ANGPT2: variants seen among roughly 807,000 people sequenced by gnomAD.
ANGPT2 encodes angiopoietin-2.
A neutral mutation model predicts 62.9 loss-of-function variants in ANGPT2; 28 were observed. The observed-to-expected ratio is 0.44, with a 90% CI of 0.33 to 0.61. The LOEUF is 0.61. ANGPT2 is among the 20% of genes least tolerant of loss of function. ANGPT2 has a pLI of 0.03. For synonymous variants in ANGPT2, 284 were observed against 207.8 expected (o/e 1.37, Z -3.15); for missense variants, 727 against 594.9 (o/e 1.22, Z -2.31).
In ANGPT2 at chr8:6,563,030, C is replaced by T; in HGVS notation, c.-96G>A. On this transcript the variant is annotated 5_prime_UTR_variant, in exon 1 of 9. Transcript: ENST00000629816. ...TGCCGTCTAAAACGCAGGGCTGCTA[C>T]GCTGCCATGGCTGGGTCCGTCAATG... The T allele has an allele frequency of 5.2e-6, 7 of 1,357,162 alleles. No individual in the cohort carries two copies. In the South Asian group the frequency reaches 8.7e-5, roughly 17 times the overall value. 84.1% of individuals were successfully genotyped at this position (1,357,162 alleles called of 1,614,324 possible).
At chr8:6,534,209 A>C (rs529036997) in intron 1 of ANGPT2, among the ~76,000 whole-genome samples, 22 of 152,354 alleles carry the variant, frequency 1.4e-4, no homozygotes, top group African/African-American at 4.8e-4. Context: ...ATATTTTAAA[A>C]AAAAAATAAC....
At chr8:6,556,805 T>C (rs1824694804) in intron 1 of ANGPT2, among the ~76,000 whole-genome samples, 1 of 151,936 alleles carries the variant, frequency 6.6e-6, no homozygotes, top group South Asian at 2.1e-4. Context: ...ACCAGGCTGG[T>C]CTTGAACTCC....
intron 7 of ANGPT2, among the ~76,000 whole-genome samples, chr8:6,510,347 A>T (rs1586236244): frequency 6.6e-6 from 1 of 152,160 alleles, no homozygotes; most frequent in African/African-American, 2.4e-5. Context: ...CTACAAAGCA[A>T]ATCCTGCAAT....
intron 8 of ANGPT2, among the ~76,000 whole-genome samples, chr8:6,504,936 T>C (rs931549421): frequency 1.3e-5 from 2 of 151,998 alleles, no homozygotes; most frequent in Non-Finnish European, 2.9e-5. Flanking sequence ...TGATTTTACA[T>C]ATGTTAAACT....
At position 6,562,692 on chromosome 8, in the gene ANGPT2, T is replaced by C. The variant is rs1001538174; in HGVS notation, c.243A>G (p.Gln81=). The stretch of plus-strand genomic sequence containing the variant: ...TGTTTTCCATGATGTTCTCCAGCAC[T>C]TGCAGCCTCTGCACCGAGTCATCGT... ...LEYDDSVQRL[Q]VLENIMENNT... Residue 81 remains glutamine (Q), a synonymous_variant, in exon 1 of 9, where the codon CAA becomes CAG. Transcript: ENST00000629816. The C allele has an allele frequency of 1.2e-6, 2 of 1,608,952 alleles. No homozygotes were observed. The highest frequency in any genetic ancestry group is 2.7e-5 in the African/African-American group (2 of 74,696).
chr8:6,559,463 T>C (rs1250654399), intron 1 of ANGPT2, among the ~76,000 whole-genome samples: 1 of 152,214 alleles, frequency 6.6e-6, no homozygotes, highest in Non-Finnish European at 1.5e-5. Context: ...AGGATTGCAA[T>C]TCACATTTAC....
intron 3 of ANGPT2, among the ~76,000 whole-genome samples, chr8:6,521,725 G>C (rs1031147901): frequency 6.6e-6 from 1 of 152,232 alleles, no homozygotes; most frequent in African/African-American, 2.4e-5. Context: ...GCAGCGCTCA[G>C]AAGAAAGGTG....
chr8:6,512,852 A>G lies in ANGPT2; in HGVS notation c.1196+826T>C, dbSNP rs182057766. 1.6e-3 allele frequency among the ~76,000 whole-genome samples: 237 copies of G among 152,318 alleles called. 1 individual carries two copies. The highest frequency in any genetic ancestry group is 2.8e-3 in the Non-Finnish European group (190 of 68,022). ...CCAGGGAATGCTGTGAATCTGATGT[A>G]TTTCCTGTAGAGGAGAGCAGAGTTG... On this transcript the variant is annotated intron_variant, in intron 7 of 8. Coordinates refer to ENST00000629816, the MANE Select transcript of ANGPT2 (RefSeq NM_001118887.2).
At chr8:6,561,927 T>C (rs1825602446) in intron 1 of ANGPT2, among the ~76,000 whole-genome samples, 1 of 152,200 alleles carries the variant, frequency 6.6e-6, no homozygotes, top group Admixed American at 6.5e-5. Context: ...CGTCCTGTCG[T>C]GGCATGACTT....
intron 3 of ANGPT2, among the ~76,000 whole-genome samples, chr8:6,522,082 G>A (rs1381074534): frequency 1.3e-5 from 2 of 152,184 alleles, no homozygotes; most frequent in Non-Finnish European, 2.9e-5. Flanking sequence ...CTGGCCGGGC[G>A]CAGTGGCTCA....
intron 1 of ANGPT2, among the ~76,000 whole-genome samples, chr8:6,551,081 T>G (rs1414504110): frequency 6.6e-6 from 1 of 152,194 alleles, no homozygotes; most frequent in African/African-American, 2.4e-5. Context: ...GGTAAGGGAT[T>G]TCCTTGGGTG....
At chr8:6,516,475 CAG>C (rs929294733) in intron 5 of ANGPT2, among the ~76,000 whole-genome samples, 2 of 152,086 alleles carry the variant, frequency 1.3e-5, no homozygotes, top group African/African-American at 4.8e-5. Flanking sequence ...CTGCCAAAAA[CAG>C]AGAAACCTGA....
intron 1 of ANGPT2, among the ~76,000 whole-genome samples, chr8:6,559,434 T>C (rs1256726260): frequency 6.6e-6 from 1 of 152,200 alleles, no homozygotes; most frequent in Non-Finnish European, 1.5e-5. Context: ...TACACTATTA[T>C]TACTTTTAAA....
At chr8:6,545,692 AAATAAAT>A (rs1278002865) in intron 1 of ANGPT2, among the ~76,000 whole-genome samples, 1 of 152,214 alleles carries the variant, frequency 6.6e-6, no homozygotes, top group East Asian at 1.9e-4. Context: ...ATTAGTCTAA[AAATAAAT>A]AATAAATAAA....
rs776252598 is a variant in ANGPT2 at position 6,514,679 on chromosome 8, C to G, written c.1027G>C (p.Val343Leu). ...GATGCCTTAAAGAATGTCCTTACCA[C>G]TTTATATTCTTTCCAAGTCCTCTGA... Reference protein sequence around the residue: ...DFQRTWKEYKVGFGNPSGEYW... With the variant: ...DFQRTWKEYKLGFGNPSGEYW... The change falls in exon 6 of 9, where the codon GTG becomes CTG. Residue 343 changes from valine to leucine, a missense_variant and splice_region_variant. Coordinates refer to ENST00000629816, the MANE Select transcript of ANGPT2 (RefSeq NM_001118887.2). The G allele has an allele frequency of 1.2e-6, 2 of 1,613,728 alleles. No individual in the cohort carries two copies.
At chr8:6,558,163 C>T (rs773668588) in intron 1 of ANGPT2, among the ~76,000 whole-genome samples, 3 of 152,034 alleles carry the variant, frequency 2.0e-5, no homozygotes, top group East Asian at 1.9e-4. Context: ...TGCCACTGTA[C>T]GTGTTTTAAA....
At chr8:6,512,729 C>T (rs561061055) in intron 7 of ANGPT2, among the ~76,000 whole-genome samples, 2 of 152,342 alleles carry the variant, frequency 1.3e-5, no homozygotes, top group African/African-American at 4.8e-5. Flanking sequence ...TCTCTACTCT[C>T]ATGGCATTTT....
chr8:6,553,689 C>G (rs1276103785), intron 1 of ANGPT2, among the ~76,000 whole-genome samples: 13 of 150,538 alleles, frequency 8.6e-5, no homozygotes, highest in Admixed American at 8.6e-4. Flanking sequence ...TTTTACCTCT[C>G]CCCTTTTCCT....
rs1048125192 is a variant in ANGPT2, at chr8:6,502,790, C to G, written c.*311G>C. ...CCAGTTATTTACTGATAAACTTGCA[C>G]ATAACATTCTTGGTTGTGACAGCAG... On this transcript the variant is annotated 3_prime_UTR_variant, in exon 9 of 9. Coordinates refer to ENST00000629816, the MANE Select transcript of ANGPT2 (RefSeq NM_001118887.2). The G allele has an allele frequency of 2.8e-6, 1 of 356,218 alleles. No homozygotes were observed. Among genetic ancestry groups the G allele is most frequent in the Admixed American group, 4.3e-5 (1 of 23,088 alleles). 22.1% of individuals were successfully genotyped at this position (356,218 alleles called of 1,614,324 possible). A position where few individuals can be genotyped will look rare whatever the true frequency, so the allele number is the denominator to read the frequency against.
Sources: gnomAD v4.1 joint callset for allele counts (sites outside exome capture counted in the v4.1 genomes callset) on GRCh38, gnomAD v4.1.1 for gene constraint, MANE v1.5 for transcripts, NCBI Gene and HGNC (gene_info 2026-07-23, HGNC 2026-07-21) for gene names.